Variants in SVIL observed in about 807,000 individuals in gnomAD.
SVIL encodes supervillin.
Under a neutral mutation model 240.4 loss-of-function variants are expected in SVIL, and 101 were observed. The ratio of observed to expected loss-of-function variants is 0.42; its 90% confidence interval spans 0.36 to 0.50. SVIL has a LOEUF of 0.50. Among genes scored for constraint, SVIL ranks in the 20% least tolerant of loss-of-function variants. SVIL has a pLI of 0.01. For synonymous variants in SVIL, 999 were observed against 1,100.0 expected, an observed-to-expected ratio of 0.91 and a Z score of 1.82; for missense variants, 2,512 against 2,818.7, an observed-to-expected ratio of 0.89 and a Z score of 2.46.
At position 29,551,053 on chromosome 10, in the gene SVIL, A is replaced by C. The variant is rs1356550522; in HGVS notation, c.371T>G (p.Leu124Arg). The change falls in exon 6 of 38, where the codon CTG becomes CGG. Residue 124 changes from leucine (L) to arginine (R), a missense_variant. Transcript: ENST00000355867. ...ATACTCGGAGTCGGCCTCGGGATCCAGAGTCAGCCCATACTTCTCTGCCAG... is the reference window on the plus strand; with the variant it reads ...ATACTCGGAGTCGGCCTCGGGATCCCGAGTCAGCCCATACTTCTCTGCCAG... ...RQLAEKYGLT[L>R]DPEADSEYLS... 2 of 1,614,178 alleles carry C rather than the reference A, an allele frequency of 1.2e-6. No individual in the cohort carries two copies. The highest frequency in any genetic ancestry group is 2.2e-5 in the South Asian group (2 of 91,084).
At chr10:29,668,970 C>G (rs547553068) in intron 2 of SVIL, among the ~76,000 whole-genome samples, 2 of 152,264 alleles carry the variant, frequency 1.3e-5, no homozygotes, top group South Asian at 4.1e-4. Flanking sequence ...GAGTACTGTT[C>G]TAGGCACTAT....
chr10:29,635,109 A>G (rs560364972), upstream of SVIL: 1 of 152,338 alleles, frequency 6.6e-6, no homozygotes, highest in South Asian at 2.1e-4. Flanking sequence ...AGCTACTTCA[A>G]ATGCAATTAG....
At chr10:29,711,276 G>A (rs1247085) in intron 1 of SVIL, among the ~76,000 whole-genome samples, 2 of 152,040 alleles carry the variant, frequency 1.3e-5, no homozygotes, top group African/African-American at 4.8e-5. Flanking sequence ...GACGCACGCC[G>A]GTGGTCCCAG....
chr10:29,663,788 C>T (rs1053944939), intron 2 of SVIL, among the ~76,000 whole-genome samples: 2 of 152,216 alleles, frequency 1.3e-5, no homozygotes, highest in Non-Finnish European at 2.9e-5. Context: ...CAAAGAGATG[C>T]GGAAAGACTG....
At chr10:29,708,220 T>C (rs1419525317) in intron 1 of SVIL, among the ~76,000 whole-genome samples, 1 of 125,366 alleles carries the variant, frequency 8.0e-6, no homozygotes, top group African/African-American at 3.3e-5. Flanking sequence ...ATTGTGCCAC[T>C]GCACTCCAGC....
At chr10:29,708,257 CAAAAA>C (rs35982600) in intron 1 of SVIL, among the ~76,000 whole-genome samples, 2 of 62,708 alleles carry the variant, frequency 3.2e-5, no homozygotes, top group African/African-American at 1.3e-4. Context: ...GACTCCATCT[CAAAAA>C]AAAAAAAAAA....
chr10:29,528,190 T>G (rs890746062), intron 12 of SVIL, among the ~76,000 whole-genome samples: 14 of 152,182 alleles, frequency 9.2e-5, no homozygotes, highest in Non-Finnish European at 2.1e-4. Context: ...ATATTTCTTT[T>G]TTTAAAAAAC....
intron 1 of SVIL, among the ~76,000 whole-genome samples, chr10:29,733,807 T>C (rs1441792408): frequency 6.6e-6 from 1 of 152,224 alleles, no homozygotes; most frequent in Non-Finnish European, 1.5e-5. Context: ...TGCAAACATC[T>C]TTCTTGAAGG....
intron 2 of SVIL, among the ~76,000 whole-genome samples, chr10:29,674,787 C>T (rs551160101): frequency 5.3e-4 from 80 of 152,270 alleles, no homozygotes; most frequent in Middle Eastern, 3.4e-3. Context: ...CAAGGAGAAT[C>T]CATTTTCTTG....
chr10:29,474,051 G>A (rs573411476), intron 29 of SVIL, 62 bp from the exon 30 acceptor site: 4 of 1,581,490 alleles, frequency 2.5e-6, no homozygotes, highest in African/African-American at 2.7e-5. Context: ...AGAAGCAAAT[G>A]TCTGGCTCAC....
chr10:29,476,972 C>T (rs1310303020), intron 29 of SVIL, among the ~76,000 whole-genome samples: 2 of 152,088 alleles, frequency 1.3e-5, no homozygotes, highest in African/African-American at 4.8e-5. Flanking sequence ...AAGCGATTCT[C>T]CTGCCTCAGC....
intron 3 of SVIL, among the ~76,000 whole-genome samples, chr10:29,555,781 T>A (rs755035861): frequency 1.3e-5 from 2 of 152,194 alleles, no homozygotes; most frequent in Non-Finnish European, 2.9e-5. Flanking sequence ...AAGTATAGAC[T>A]AGGAGTGTGA....
At chr10:29,543,733 C>T (rs1038480257) in intron 6 of SVIL, among the ~76,000 whole-genome samples, 1 of 152,106 alleles carries the variant, frequency 6.6e-6, no homozygotes, top group East Asian at 1.9e-4. Context: ...TACAATCCCT[C>T]CTCCAGAAAT....
At chr10:29,569,190 G>T (rs1589288246) in intron 2 of SVIL, 65 bp downstream of exon 2, 3 of 779,954 alleles carry the variant, frequency 3.8e-6, no homozygotes, top group Non-Finnish European at 4.7e-6. Context: ...ACATTCAAGA[G>T]AATAATTTTA....
intron 12 of SVIL, among the ~76,000 whole-genome samples, 188 bp from the exon 13 acceptor site, chr10:29,527,244 G>A (rs900933949): frequency 6.6e-6 from 1 of 152,122 alleles, no homozygotes; most frequent in Non-Finnish European, 1.5e-5. Flanking sequence ...GGAAATAAGA[G>A]ATAGTGGCTA....
At chr10:29,648,272 A>T (rs1958730467) in intron 3 of SVIL, among the ~76,000 whole-genome samples, 1 of 152,142 alleles carries the variant, frequency 6.6e-6, no homozygotes, top group African/African-American at 2.4e-5. Flanking sequence ...CACTCATCAG[A>T]TCTGACAAAG....
chr10:29,572,651 C>T (rs1955480317), intron 1 of SVIL, among the ~76,000 whole-genome samples: 1 of 150,814 alleles, frequency 6.6e-6, no homozygotes, highest in African/African-American at 2.4e-5. Context: ...ATAGTCCCAG[C>T]TACTTGGGAG....
At chr10:29,573,789 G>A (rs578029103) in intron 1 of SVIL, among the ~76,000 whole-genome samples, 9 of 151,934 alleles carry the variant, frequency 5.9e-5, no homozygotes, top group Non-Finnish European at 2.9e-5. Context: ...TCCACCTCCC[G>A]GGTTCAAGCG....
chr10:29,497,100 A>G (rs7920411), intron 18 of SVIL, among the ~76,000 whole-genome samples: 6,424 of 152,308 alleles, frequency 0.042, 447 homozygotes, highest in African/African-American at 0.15. Flanking sequence ...ATTCCAAGAT[A>G]AGGTAAGAAT....
Sources: gnomAD v4.1 joint callset for allele counts (sites outside exome capture counted in the v4.1 genomes callset) on GRCh38, gnomAD v4.1.1 for gene constraint, MANE v1.5 for transcripts, NCBI Gene and HGNC (gene_info 2026-07-23, HGNC 2026-07-21) for gene names.